Variants in LRRC8C observed in about 807,000 individuals in gnomAD.
LRRC8C encodes the protein volume-regulated anion channel subunit LRRC8C.
A neutral mutation model predicts 55.3 loss-of-function variants in LRRC8C; 20 were observed. The ratio of observed to expected loss-of-function variants is 0.36; its 90% CI spans 0.25 to 0.53. The LOEUF (loss-of-function observed/expected upper bound fraction) is 0.53. LRRC8C is among the 20% of genes least tolerant of loss of function. The pLI is 0.92. For synonymous variants in LRRC8C, 376 were observed against 360.7 expected, an observed-to-expected ratio of 1.04 and a Z score of -0.48; for missense variants, 659 against 951.4, an observed-to-expected ratio of 0.69 and a Z score of 4.04.
At chr1:89,710,655 GC>G (rs1167455811) in intron 2 of LRRC8C, among the ~76,000 whole-genome samples, 2 of 152,060 alleles carry the variant, frequency 1.3e-5, no homozygotes, top group Non-Finnish European at 2.9e-5. Flanking sequence ...GTAAATAGTT[GC>G]CCCCCTGCTT....
intron 2 of LRRC8C, among the ~76,000 whole-genome samples, chr1:89,701,053 A>G (rs1473956642): frequency 6.6e-6 from 1 of 152,210 alleles, no homozygotes; most frequent in Non-Finnish European, 1.5e-5. Context: ...GGTCCAAGGC[A>G]GGAGGATCAC....
intron 1 of LRRC8C, among the ~76,000 whole-genome samples, chr1:89,662,723 T>C (rs919217604): frequency 6.6e-6 from 1 of 152,190 alleles, no homozygotes; most frequent in African/African-American, 2.4e-5. Flanking sequence ...TGAATAATGC[T>C]AGTTATAGCA....
chr1:89,661,860 G>A (rs1657131902), intron 1 of LRRC8C, among the ~76,000 whole-genome samples: 1 of 147,846 alleles, frequency 6.8e-6, no homozygotes, highest in Non-Finnish European at 1.5e-5. Flanking sequence ...TAAACAAGAG[G>A]AGGGTGAAGG....
chr1:89,659,061 T>TTTTTGTGTGTG (rs1294718324), intron 1 of LRRC8C, among the ~76,000 whole-genome samples: 1 of 53,976 alleles, frequency 1.9e-5, no homozygotes, highest in African/African-American at 6.3e-5. Context: ...TTTTTTTTTT[T>TTTTTGTGTGTG]TGTGTGTGTG....
intron 2 of LRRC8C, among the ~76,000 whole-genome samples, chr1:89,690,048 G>A (rs1385623250): frequency 1.3e-5 from 2 of 152,092 alleles, no homozygotes; most frequent in Admixed American, 6.5e-5. Flanking sequence ...AAACATCAAC[G>A]TGGAGATATT....
chr1:89,679,121 A>G (rs1657632378), intron 1 of LRRC8C, among the ~76,000 whole-genome samples: 1 of 152,210 alleles, frequency 6.6e-6, no homozygotes, highest in African/African-American at 2.4e-5. Context: ...GGATGTTCCA[A>G]ACAAGGGGGT....
intron 1 of LRRC8C, among the ~76,000 whole-genome samples, chr1:89,670,341 C>G (rs1287529992): frequency 6.6e-6 from 1 of 152,112 alleles, no homozygotes; most frequent in Non-Finnish European, 1.5e-5. Flanking sequence ...TTGGTGTTAC[C>G]AGGGCAACCC....
intron 1 of LRRC8C, chr1:89,661,306 C>T: frequency 2.9e-6 from 1 of 348,980 alleles, no homozygotes; most frequent in Non-Finnish European, 5.7e-6. Context: ...TTCCAGGGCT[C>T]TGGATTATTC....
chr1:89,646,872 GA>G (rs1656628138), intron 1 of LRRC8C, among the ~76,000 whole-genome samples: 1 of 151,774 alleles, frequency 6.6e-6, no homozygotes, highest in Non-Finnish European at 1.5e-5. Flanking sequence ...AAGCAACAAC[GA>G]AAAATAATAA....
chr1:89,716,164 T>G lies in LRRC8C; in HGVS notation c.*1182T>G, dbSNP rs1224178488. On this transcript the variant is annotated 3_prime_UTR_variant, in exon 3 of 3. Coordinates refer to ENST00000370454, the MANE Select transcript of LRRC8C (RefSeq NM_032270.5). ...CTATTTAAATAGGATTTACATTGTT[T>G]TAGGTATTATAAATTACCTAGAGAT... 1 of 152,210 alleles carries G rather than the reference T, an allele frequency of 6.6e-6. No homozygotes were observed. The highest frequency in any genetic ancestry group is 1.5e-5 in the Non-Finnish European group (1 of 68,036). 9.4% of individuals were successfully genotyped at this position (152,210 alleles called of 1,614,324 possible).
At position 89,686,606 on chromosome 1, in the gene LRRC8C, T is replaced by C. The variant is rs1657890913; in HGVS notation, c.133T>C (p.Leu45=). ...MLMIGVFGCT[L]QVMQDKIICL... The stretch of plus-strand genomic sequence containing the variant: ...CATGATCGGCGTGTTTGGATGTACT[T>C]TACAGGTAGGTGCCTAGATCCCTGG... The change falls in exon 2 of 3, where the codon TTA becomes CTA. Residue 45 remains leucine, a synonymous_variant. Coordinates refer to ENST00000370454, the MANE Select transcript of LRRC8C (RefSeq NM_032270.5). 1.2e-6 allele frequency: 2 copies of C among 1,613,918 alleles called. No individual in the cohort carries two copies. Among genetic ancestry groups the C allele is most frequent in the Admixed American group, 3.3e-5 (2 of 60,006 alleles).
chr1:89,679,345 G>T lies in LRRC8C; in HGVS notation c.-4-7125G>T, dbSNP rs1570718136. ...AAGGTGGGTGGATCACTTGAGACTAGGAGTTTGAGACCAGCCTGGCCAACA... is the reference window on the plus strand; with the variant it reads ...AAGGTGGGTGGATCACTTGAGACTATGAGTTTGAGACCAGCCTGGCCAACA... On this transcript the variant is annotated intron_variant, in intron 1 of 2. Transcript: ENST00000370454. 3.3e-5 allele frequency among the ~76,000 whole-genome samples: 5 copies of T among 152,258 alleles called. No homozygotes were observed. The South Asian group carries it at 1.0e-3, about 32-fold the overall frequency.
chr1:89,704,248 T>C (rs1334541962), intron 2 of LRRC8C, among the ~76,000 whole-genome samples: 1 of 152,166 alleles, frequency 6.6e-6, no homozygotes, highest in Non-Finnish European at 1.5e-5. Flanking sequence ...TATGTCCTCA[T>C]CTCTCTGTCC....
intron 2 of LRRC8C, among the ~76,000 whole-genome samples, chr1:89,695,814 T>G (rs980944805): frequency 3.3e-5 from 5 of 152,238 alleles, no homozygotes; most frequent in Admixed American, 3.3e-4. Flanking sequence ...CTCTCTCATA[T>G]GCTCTTAGTA....
In LRRC8C at chr1:89,712,766, T is replaced by C; in HGVS notation, c.196T>C (p.Ser66Pro). 1 of 1,614,136 alleles carries C rather than the reference T, an allele frequency of 6.2e-7. No individual in the cohort carries two copies. Among genetic ancestry groups the C allele is most frequent in the South Asian group, 1.1e-5 (1 of 91,076 alleles). ...AAGAGTGCAGCCTGCTCAGAACCAC[T>C]CTTCCCTTTCGAATGTCTCTCAAGC... ...PKRVQPAQNHSSLSNVSQAVA... is the reference protein window; with the variant it reads ...PKRVQPAQNHPSLSNVSQAVA... Residue 66 changes from serine (S) to proline (P), a missense_variant, in exon 3 of 3, where the codon TCT (serine) becomes CCT (proline). Physicochemically the swap from Ser to Pro is moderately conservative, Grantham distance 74. This residue lies in a region of LRRC8C where 82 missense variants were observed against 71.4 expected (regional missense o/e 1.15). Coordinates refer to ENST00000370454, the MANE Select transcript of LRRC8C (RefSeq NM_032270.5).
intron 1 of LRRC8C, chr1:89,668,018 G>A (rs1014676102): frequency 6.6e-5 from 10 of 152,572 alleles, no homozygotes; most frequent in Non-Finnish European, 1.3e-4. Flanking sequence ...ACACTTAGCT[G>A]AAACATCAGG....
At chr1:89,710,454 C>T (rs1658619423) in intron 2 of LRRC8C, among the ~76,000 whole-genome samples, 1 of 152,020 alleles carries the variant, frequency 6.6e-6, no homozygotes. Flanking sequence ...GATTATTTGA[C>T]ATATTGATTG....
intron 1 of LRRC8C, chr1:89,668,195 T>G (rs935420291): frequency 7.9e-5 from 12 of 152,598 alleles, no homozygotes; most frequent in African/African-American, 2.9e-4. Context: ...TTCTTGCTGT[T>G]TTGCTGCACC....
chr1:89,623,460 C>T, the LRRC8C span, among the ~76,000 whole-genome samples: 174 of 152,262 alleles, frequency 1.1e-3, no homozygotes, highest in Non-Finnish European at 1.6e-3. Flanking sequence ...CAGTGGCTCA[C>T]GCCTGTAATC....
Sources: gnomAD v4.1 joint callset for allele counts (sites outside exome capture counted in the v4.1 genomes callset) on GRCh38, gnomAD v4.1.1 for gene constraint, gnomAD v4.1.1 regional missense constraint, MANE v1.5 for transcripts, NCBI Gene and HGNC (gene_info 2026-07-23, HGNC 2026-07-21) for gene names.